TPRN: variants seen among roughly 807,000 people sequenced by gnomAD.
The protein encoded by TPRN is taperin.
In TPRN, 32 loss-of-function variants were observed where a neutral mutation model predicts 42.6. That is an observed-to-expected ratio of 0.75 (90% confidence interval 0.57 to 1.01). The LOEUF is 1.01. TPRN is among the 50% of genes least tolerant of loss of function. The probability of loss-of-function intolerance (pLI) is 0.00; values close to 1 mark genes in which losing one functional copy is unlikely to be tolerated. For synonymous variants in TPRN, 541 were observed against 445.6 expected, an observed-to-expected ratio of 1.21 and a Z score of -2.70; for missense variants, 1,095 against 957.5, an observed-to-expected ratio of 1.14 and a Z score of -1.90.
chr9:137,198,514 G>C (rs1232809981), intron 1 of TPRN, among the ~76,000 whole-genome samples: 1 of 152,228 alleles, frequency 6.6e-6, no homozygotes, highest in Non-Finnish European at 1.5e-5. Flanking sequence ...GTGATGCGAG[G>C]ATCCAGCCAA....
At position 137,200,295 on chromosome 9, in the gene TPRN, C is replaced by T. The variant is rs1205883117; in HGVS notation, c.417G>A (p.Arg139=). 2.0e-6 allele frequency: 2 copies of T among 991,290 alleles called. No homozygotes were observed. The highest frequency in any genetic ancestry group is 1.8e-5 in the African/African-American group (1 of 55,762). The allele number at this position is 991,290 out of a possible 1,614,324, so 61.4% of individuals were successfully genotyped here. Residue 139 remains arginine (R), a synonymous_variant, in exon 1 of 4, where the codon AGG becomes AGA. Coordinates refer to ENST00000409012, the MANE Select transcript of TPRN (RefSeq NM_001128228.3). The surrounding 1 kb of genome is among the most constrained non-coding windows in gnomAD (Gnocchi z 4.3). The part of the protein sequence containing the change: ...PPGRVSRLLE[R]FDPPAAPRRR... ...GGCGCGGCGCGGCGGGCGGGTCGAA[C>T]CTCTCCAGTAGGCGGCTGACGCGGC...
Position 137,192,132 on chromosome 9 carries a change from C to G in TPRN, c.2116G>C (p.Glu706Gln). ...TGGGCTCAGAAATACAGGGCTGGCT[C>G]GCTGCGGAAGTCCGAGAGGTCATTC... Reference protein sequence around the residue: ...SQNDLSDFRSEPALYF With the variant: ...SQNDLSDFRSQPALYF Residue 706 changes from glutamate (E) to glutamine (Q), a missense_variant, in exon 4 of 4, where the codon GAG becomes CAG. Physicochemically the swap from Glu to Gln is conservative, Grantham distance 29. Coordinates refer to ENST00000409012, the MANE Select transcript of TPRN (RefSeq NM_001128228.3). The G allele has an allele frequency of 6.2e-7, 1 of 1,613,506 alleles. No individual in the cohort carries two copies. Among genetic ancestry groups the G allele is most frequent in the Non-Finnish European group, 8.5e-7 (1 of 1,180,006 alleles).
rs772074395 is a variant in TPRN, at chr9:137,192,583, C to T, written c.1834G>A (p.Glu612Lys). The change falls in exon 2 of 4, where the codon GAG (glutamate) becomes AAG (lysine). Residue 612 changes from glutamate to lysine, a missense_variant. Coordinates refer to ENST00000409012, the MANE Select transcript of TPRN (RefSeq NM_001128228.3). ...TCCTCCTCTTCCTCTTCCTCCTCCT[C>T]CTCCTCCTCCTCCTCCTGCTGGTCC... ...EVDQQEEEEE[E>K]EEEEEEEEEG... The T allele has an allele frequency of 8.7e-6, 14 of 1,612,430 alleles. No individual in the cohort carries two copies. The highest frequency in any genetic ancestry group is 5.0e-5 in the Admixed American group (3 of 59,912).
At chr9:137,194,946 C>G (rs766484890) in intron 1 of TPRN, 1 of 152,502 alleles carries the variant, frequency 6.6e-6, no homozygotes, top group African/African-American at 2.4e-5. Flanking sequence ...TGGGTCCCAG[C>G]TCAGCCCAGC....
Position 137,191,856 on chromosome 9 carries a change from G to C in TPRN, c.*256C>G. The C allele has an allele frequency of 3.5e-6, 2 of 567,636 alleles. No individual in the cohort carries two copies. Among genetic ancestry groups the C allele is most frequent in the Non-Finnish European group, 6.4e-6 (2 of 314,932 alleles). 35.2% of individuals were successfully genotyped at this position (567,636 alleles called of 1,614,324 possible). ...CCGGGTCGCAGATGGCCACCACCCA[G>C]CAGGCCCCTGGCACTCACCCACAGG... On this transcript the variant is annotated 3_prime_UTR_variant, in exon 4 of 4. Transcript: ENST00000409012.
In TPRN at chr9:137,199,154, C is replaced by T. The variant is rs1834752609; in HGVS notation, c.1558G>A (p.Ala520Thr). 1 of 1,613,128 alleles carries T rather than the reference C, an allele frequency of 6.2e-7. No homozygotes were observed. Among genetic ancestry groups the T allele is most frequent in the Non-Finnish European group, 8.5e-7 (1 of 1,180,024 alleles). Residue 520 changes from alanine (A) to threonine (T), a missense_variant, in exon 1 of 4, where the codon GCC becomes ACC. Transcript: ENST00000409012. ...TCCCGTGGCCGAGGCTCCCTGTTGG[C>T]CTGACTGAAGTGCTGGTCCTGCAGA... ...GTLQDQHFSQ[A>T]NREPRPREAE...
At chr9:137,196,569 C>T (rs1834709180) in intron 1 of TPRN, among the ~76,000 whole-genome samples, 1 of 152,080 alleles carries the variant, frequency 6.6e-6, no homozygotes, top group Middle Eastern at 3.2e-3. Context: ...GCCTGGGCGA[C>T]AGAGCAAGAC....
At position 137,192,443 on chromosome 9, in the gene TPRN, G is replaced by T; in HGVS notation, c.1966+8C>A. The T allele has an allele frequency of 6.2e-7, 1 of 1,607,562 alleles. No individual in the cohort carries two copies. The highest frequency in any genetic ancestry group is 1.7e-5 in the Admixed American group (1 of 59,288). The stretch of plus-strand genomic sequence containing the variant: ...CCCAGGCTGCCTGTCCCCCAGGTGG[G>T]CACTCACCTGAGCTACCCTCTGGCA... On this transcript the variant is annotated splice_region_variant and intron_variant, in intron 2 of 3. Transcript: ENST00000409012.
At chr9:137,192,788 G>A (rs1834647032) in intron 1 of TPRN, 97 bp from the exon 2 acceptor site, 2 of 1,364,246 alleles carry the variant, frequency 1.5e-6, no homozygotes, top group African/African-American at 2.8e-5. Context: ...GCTGACCCAA[G>A]TGGGGCGCCA....
At position 137,199,191 on chromosome 9, in the gene TPRN, C is replaced by T; in HGVS notation, c.1521G>A (p.Arg507=). The change falls in exon 1 of 4, where the codon AGG becomes AGA. Residue 507 remains arginine, a synonymous_variant. Coordinates refer to ENST00000409012, the MANE Select transcript of TPRN (RefSeq NM_001128228.3). ...GSNTFTVVPK[R]KPGTLQDQHF... ...GCTGGTCCTGCAGAGTCCCTGGCTTCCTCTTGGGCACCACTGTGAAGGTGT... is the reference window on the plus strand; with the variant it reads ...GCTGGTCCTGCAGAGTCCCTGGCTTTCTCTTGGGCACCACTGTGAAGGTGT... 8 of 1,613,206 alleles carry T rather than the reference C, an allele frequency of 5.0e-6. No individual in the cohort carries two copies. Among genetic ancestry groups the T allele is most frequent in the Admixed American group, 1.7e-5 (1 of 60,026 alleles).
At position 137,191,804 on chromosome 9, in the gene TPRN, C is replaced by T. The variant is rs1346573056; in HGVS notation, c.*308G>A. 2.1e-6 allele frequency: 1 copy of T among 477,846 alleles called. No individual in the cohort carries two copies. Among genetic ancestry groups the T allele is most frequent in the Admixed American group, 3.3e-5 (1 of 30,016 alleles). The allele number at this position is 477,846 out of a possible 1,614,324, so 29.6% of individuals were successfully genotyped here. A position where few individuals can be genotyped will look rare whatever the true frequency, so the allele number is the denominator to read the frequency against. ...CTGAGGAGACAGGACAGGGAATGGC[C>T]AGGTGCAGAATCTGCACAGCCCCCT... is the stretch of plus-strand genomic sequence containing the variant. On this transcript the variant is annotated 3_prime_UTR_variant, in exon 4 of 4. Transcript: ENST00000409012.
chr9:137,197,334 C>T (rs1323471436), intron 1 of TPRN, among the ~76,000 whole-genome samples: 1 of 152,138 alleles, frequency 6.6e-6, no homozygotes, highest in African/African-American at 2.4e-5. Flanking sequence ...AACTCCTGAC[C>T]TCGTGATCCA....
rs1311591049 is a variant in TPRN at position 137,192,828 on chromosome 9, A to G, written c.1726-137T>C. The G allele has an allele frequency of 4.4e-6, 4 of 907,010 alleles. No homozygotes were observed. In the East Asian group the frequency reaches 9.8e-5, roughly 22 times the overall value. The allele number at this position is 907,010 out of a possible 1,614,324, so 56.2% of individuals were successfully genotyped here. On this transcript the variant is annotated intron_variant, in intron 1 of 3. Coordinates refer to ENST00000409012, the MANE Select transcript of TPRN (RefSeq NM_001128228.3). ...CACCATCAACCGTTCCGGGGGCTCCAGGAGGGGGCACAGAGCTCTCCAGCT... is the reference window on the plus strand; with the variant it reads ...CACCATCAACCGTTCCGGGGGCTCCGGGAGGGGGCACAGAGCTCTCCAGCT...
At chr9:137,195,884 G>A (rs1834697827) in intron 1 of TPRN, among the ~76,000 whole-genome samples, 1 of 152,198 alleles carries the variant, frequency 6.6e-6, no homozygotes, top group Admixed American at 6.5e-5. Context: ...GGGCGTGGCT[G>A]CAGCACACAG....
chr9:137,198,833 C>T (rs1438414934), intron 1 of TPRN, among the ~76,000 whole-genome samples, 154 bp downstream of exon 1: 1 of 152,256 alleles, frequency 6.6e-6, no homozygotes, highest in Non-Finnish European at 1.5e-5. Flanking sequence ...CTGGACCCAG[C>T]ACGGCCCACC....
At chr9:137,195,873 C>A (rs1020935532) in intron 1 of TPRN, among the ~76,000 whole-genome samples, 14 of 152,176 alleles carry the variant, frequency 9.2e-5, no homozygotes, top group African/African-American at 3.1e-4. Flanking sequence ...GAAAGCAGCC[C>A]GGGCGTGGCT....
In TPRN at chr9:137,200,717, G is replaced by T; in HGVS notation, c.-6C>A. 1 of 1,154,512 alleles carries T rather than the reference G, an allele frequency of 8.7e-7. No homozygotes were observed. The highest frequency in any genetic ancestry group is 3.0e-5 in the South Asian group (1 of 33,048). 71.5% of individuals were successfully genotyped at this position (1,154,512 alleles called of 1,614,324 possible). On this transcript the variant is annotated 5_prime_UTR_variant, in exon 1 of 4. Coordinates refer to ENST00000409012, the MANE Select transcript of TPRN (RefSeq NM_001128228.3). The surrounding 1 kb of genome is among the most constrained non-coding windows in gnomAD (Gnocchi z 4.3). ...GGCCGCCCCAGGGCGGCCATGCTGC[G>T]AACGCGGCAGCGGACGGCTGGACTG...
At chr9:137,195,758 C>T (rs1414011909) in intron 1 of TPRN, among the ~76,000 whole-genome samples, 1 of 152,166 alleles carries the variant, frequency 6.6e-6, no homozygotes, top group Non-Finnish European at 1.5e-5. Context: ...GGCCGCCAGA[C>T]AGGTAGGAGC....
In TPRN at chr9:137,200,701, A is replaced by G. The variant is rs1165184097; in HGVS notation, c.11T>C (p.Leu4Pro). ...GCGCGGCCCCGAGCCCGGCCGCCCCAGGGCGGCCATGCTGCGAACGCGGCA... is the reference window on the plus strand; with the variant it reads ...GCGCGGCCCCGAGCCCGGCCGCCCCGGGGCGGCCATGCTGCGAACGCGGCA... MAA[L>P]GRPGSGPRAA... The change falls in exon 1 of 4, where the codon CTG (leucine) becomes CCG (proline). Residue 4 changes from leucine (L) to proline (P), a missense_variant. Leu to Pro is a moderately conservative substitution (Grantham distance 98, BLOSUM62 -3). Coordinates refer to ENST00000409012, the MANE Select transcript of TPRN (RefSeq NM_001128228.3). This position sits in a 1 kb window ranked among gnomAD's most constrained non-coding sequence, Gnocchi z 4.3. 3.4e-6 allele frequency: 4 copies of G among 1,186,314 alleles called. No individual in the cohort carries two copies. Among genetic ancestry groups the G allele is most frequent in the Admixed American group, 3.9e-5 (1 of 25,620 alleles). 73.5% of individuals were successfully genotyped at this position (1,186,314 alleles called of 1,614,324 possible).
Sources: allele counts gnomAD v4.1 joint callset (sites outside exome capture counted in the v4.1 genomes callset), GRCh38; gene constraint gnomAD v4.1.1; non-coding constraint Gnocchi (gnomAD v3.1); transcripts MANE v1.5; gene names NCBI Gene and HGNC (gene_info 2026-07-23, HGNC 2026-07-21).